The following LAMA3 variants were observed in gnomAD, a reference collection of about 807,000 sequenced individuals.
LAMA3 encodes the protein laminin subunit alpha 3, also known as laminin subunit alpha-3.
In LAMA3, 281 loss-of-function variants were observed where a neutral mutation model predicts 402.0. That is an observed-to-expected ratio of 0.70 (90% CI 0.63 to 0.77). The LOEUF (loss-of-function observed/expected upper bound fraction) is 0.77. LAMA3 is among the 30% of genes least tolerant of loss of function. The probability of loss-of-function intolerance (pLI) is 0.00; values close to 1 mark genes in which losing one functional copy is unlikely to be tolerated. For synonymous variants in LAMA3, 1,431 were observed against 1,558.4 expected (o/e 0.92, Z 1.93); for missense variants, 3,840 against 4,215.5 (o/e 0.91, Z 2.47).
At position 23,858,838 on chromosome 18, in the gene LAMA3, T is replaced by C; in HGVS notation, c.4422+9T>C. 1 of 1,613,738 alleles carries C rather than the reference T, an allele frequency of 6.2e-7. No individual in the cohort carries two copies. Among genetic ancestry groups the C allele is most frequent in the African/African-American group, 1.3e-5 (1 of 75,066 alleles). On this transcript the variant is annotated intron_variant, in intron 34 of 74. Coordinates refer to ENST00000313654, the MANE Select transcript of LAMA3 (RefSeq NM_198129.4). The stretch of plus-strand genomic sequence containing the variant: ...ATAAGCGAAGGACTAAGGTATGCAT[T>C]GACAGAAAGTGCTGGGGAACATTTT...
chr18:23,852,386 C>G (rs180921215), intron 32 of LAMA3, among the ~76,000 whole-genome samples: 3 of 152,298 alleles, frequency 2.0e-5, no homozygotes, highest in Admixed American at 2.0e-4. Flanking sequence ...TTTATGGCAG[C>G]CTGCCCTTAA....
chr18:23,802,876 A>G (rs2144205251), intron 12 of LAMA3, among the ~76,000 whole-genome samples: 1 of 152,302 alleles, frequency 6.6e-6, no homozygotes, highest in East Asian at 1.9e-4. Context: ...TCAGCCCCGC[A>G]AGGTACTGCC....
At chr18:23,875,024 C>T (rs1274457444) in intron 38 of LAMA3, among the ~76,000 whole-genome samples, 10 of 152,138 alleles carry the variant, frequency 6.6e-5, no homozygotes, top group East Asian at 1.9e-4. Flanking sequence ...CCACCATGCC[C>T]GGCTAATTGT....
intron 1 of LAMA3, among the ~76,000 whole-genome samples, chr18:23,713,435 A>G (rs967967351): frequency 7.9e-5 from 12 of 152,182 alleles, no homozygotes; most frequent in Non-Finnish European, 1.3e-4. Flanking sequence ...TACTCCATGG[A>G]GGCACTTGCT....
At chr18:23,725,408 G>T (rs2061282771) in intron 2 of LAMA3, among the ~76,000 whole-genome samples, 1 of 152,200 alleles carries the variant, frequency 6.6e-6, no homozygotes, top group Non-Finnish European at 1.5e-5. Context: ...ACCGCGCCCG[G>T]CCTAACCCAC....
Position 23,914,443 on chromosome 18 carries a change from G to A in LAMA3, c.7363G>A (p.Asp2455Asn), listed in dbSNP as rs1376601600. The A allele has an allele frequency of 1.2e-6, 2 of 1,614,144 alleles. No homozygotes were observed. Among genetic ancestry groups the A allele is most frequent in the Admixed American group, 1.7e-5 (1 of 60,016 alleles). The change falls in exon 57 of 75, where the codon GAT becomes AAT. Residue 2455 changes from aspartate (D) to asparagine (N), a missense_variant. Asp to Asn is a conservative substitution (Grantham distance 23). Around this residue, in one of 3 missense-constraint regions of LAMA3, gnomAD observed 891 missense variants for 857.5 expected, o/e 1.04. Coordinates refer to ENST00000313654, the MANE Select transcript of LAMA3 (RefSeq NM_198129.4). The part of the protein sequence containing the change: ...SRDYIGMAVV[D>N]GQLTCVYNLG... Reference sequence around the variant, plus strand: ...GGACTACATCGGCATGGCAGTTGTGGATGGCCAGCTCACCTGTGTCTACAA... The same window carrying A: ...GGACTACATCGGCATGGCAGTTGTGAATGGCCAGCTCACCTGTGTCTACAA...
In LAMA3 at chr18:23,845,038, C is replaced by G. The variant is rs2063783021; in HGVS notation, c.3633C>G (p.Asn1211Lys). ...GTGTTCTAGTGGTGCCTGCAGAAAA[C>G]TATGACTACCAAATACTTCACAAAA... ...LVRVLVVPAE[N>K]YDYQILHKKS... The change falls in exon 30 of 75, where the codon AAC becomes AAG. Residue 1211 changes from asparagine to lysine, a missense_variant. Transcript: ENST00000313654. The G allele has an allele frequency of 2.5e-6, 4 of 1,611,354 alleles. No homozygotes were observed. The highest frequency in any genetic ancestry group is 1.3e-5 in the African/African-American group (1 of 74,876).
intron 1 of LAMA3, among the ~76,000 whole-genome samples, chr18:23,690,426 T>G (rs1439254547): frequency 2.0e-5 from 3 of 152,180 alleles, no homozygotes; most frequent in Non-Finnish European, 4.4e-5. Context: ...GAGAGAATTT[T>G]TAGGTTATAA....
chr18:23,708,600 T>G (rs1423182802), intron 1 of LAMA3, among the ~76,000 whole-genome samples: 1 of 152,160 alleles, frequency 6.6e-6, no homozygotes, highest in Non-Finnish European at 1.5e-5. Flanking sequence ...GCATTTTCTC[T>G]TTAATTAAAT....
chr18:23,691,807 A>G (rs1298780310), intron 1 of LAMA3, among the ~76,000 whole-genome samples: 2 of 152,214 alleles, frequency 1.3e-5, no homozygotes, highest in Non-Finnish European at 2.9e-5. Context: ...CCTGGGCTCA[A>G]GCGATCTGCC....
rs770486903 is a variant in LAMA3, at chr18:23,882,058, C to T, written c.5222+13C>T. The T allele has an allele frequency of 1.3e-6, 2 of 1,586,048 alleles. No individual in the cohort carries two copies. The highest frequency in any genetic ancestry group is 4.5e-5 in the East Asian group (2 of 44,698). On this transcript the variant is annotated intron_variant, in intron 40 of 74. Transcript: ENST00000313654. ...CTCACACTAACAGGTACCGTAGCAG[C>T]TTGACATAACCTACAGGGACCCAAA...
At chr18:23,776,849 T>TTTC (rs1397812752) in intron 10 of LAMA3, among the ~76,000 whole-genome samples, 1 of 151,666 alleles carries the variant, frequency 6.6e-6, no homozygotes, top group African/African-American at 2.4e-5. Context: ...GCCTTTTTTT[T>TTTC]TTTTTTTTGA....
At chr18:23,712,777 G>C (rs894280563) in intron 1 of LAMA3, among the ~76,000 whole-genome samples, 4 of 150,858 alleles carry the variant, frequency 2.7e-5, no homozygotes, top group African/African-American at 9.8e-5. Flanking sequence ...CTTCTAAGAT[G>C]CTGGCTAGGG....
At chr18:23,774,207 A>G (rs2062265273) in intron 9 of LAMA3, among the ~76,000 whole-genome samples, 1 of 152,256 alleles carries the variant, frequency 6.6e-6, no homozygotes, top group Non-Finnish European at 1.5e-5. Flanking sequence ...TGGATGACAG[A>G]GTGAGACTCT....
chr18:23,845,305 T>G (rs1017703921), intron 30 of LAMA3, among the ~76,000 whole-genome samples, 181 bp downstream of exon 30: 1 of 152,164 alleles, frequency 6.6e-6, no homozygotes, highest in East Asian at 1.9e-4. Context: ...CATGACAGAC[T>G]TTGCCATGTG....
intron 27 of LAMA3, among the ~76,000 whole-genome samples, chr18:23,841,481 G>C (rs533978473): frequency 1.3e-5 from 2 of 152,260 alleles, no homozygotes; most frequent in East Asian, 1.9e-4. Context: ...CCTCTCCCAG[G>C]GGCTGGAATT....
chr18:23,714,640 T>C (rs1332500452), intron 2 of LAMA3, among the ~76,000 whole-genome samples: 2 of 152,300 alleles, frequency 1.3e-5, no homozygotes, highest in East Asian at 3.9e-4. Flanking sequence ...AAAGATATTT[T>C]TATTATTATT....
chr18:23,893,477 G>A (rs2080764513), intron 42 of LAMA3, among the ~76,000 whole-genome samples: 1 of 152,144 alleles, frequency 6.6e-6, no homozygotes. Flanking sequence ...CAGCTACTTG[G>A]GAGGCTGAGG....
intron 6 of LAMA3, among the ~76,000 whole-genome samples, chr18:23,756,475 CA>C (rs1423101214): frequency 1.7e-5 from 2 of 120,480 alleles, no homozygotes; most frequent in Non-Finnish European, 3.4e-5. Context: ...AAAAAAAACC[CA>C]AAAAAACCCC....
Sources: allele counts gnomAD v4.1 joint callset (sites outside exome capture counted in the v4.1 genomes callset), GRCh38; gene constraint gnomAD v4.1.1; regional missense constraint gnomAD v4.1.1; transcripts MANE v1.5; gene names NCBI Gene and HGNC (gene_info 2026-07-23, HGNC 2026-07-21).